Variants in VBP1 observed in about 807,000 individuals in gnomAD.
VBP1 encodes prefoldin subunit 3.
In VBP1, 4 loss-of-function variants were observed where a neutral mutation model predicts 15.5. That is an observed-to-expected ratio of 0.26 (90% CI 0.13 to 0.59). The LOEUF (loss-of-function observed/expected upper bound fraction) is 0.59. VBP1 is among the 20% of genes least tolerant of loss of function. The probability of loss-of-function intolerance (pLI) is 0.90; values close to 1 mark genes in which losing one functional copy is unlikely to be tolerated. For missense variants in VBP1, 108 were observed against 139.6 expected (o/e 0.77, Z 1.14); for synonymous variants, 61 against 52.1 (o/e 1.17, Z -0.74).
At chrX:155,216,693 G>T (rs2074666283) in intron 1 of VBP1, 118 bp downstream of exon 1, 5 of 1,025,286 alleles carry the variant, frequency 4.9e-6, no homozygotes, top group Non-Finnish European at 6.6e-6. Context: ...TCAGGGAGGG[G>T]GCGCTCGGTC....
chrX:155,209,944 A>G (rs1557308382), intron 2 of VBP1, among the ~76,000 whole-genome samples: 2 of 112,330 alleles, frequency 1.8e-5, no homozygotes, highest in African/African-American at 6.5e-5. Flanking sequence ...TTCAGAAGTG[A>G]ATAAAAAGAT....
At chrX:155,234,438 C>T (rs1254644942) in intron 4 of VBP1, among the ~76,000 whole-genome samples, 1 of 110,884 alleles carries the variant, frequency 9.0e-6, no homozygotes. Context: ...TCTTCTATAT[C>T]AAGAATCCTG....
intron 4 of VBP1, among the ~76,000 whole-genome samples, chrX:155,231,505 G>A (rs1211681772): frequency 8.9e-6 from 1 of 112,265 alleles, no homozygotes; most frequent in Non-Finnish European, 1.9e-5. Flanking sequence ...CCAGTTCCCT[G>A]ACACATAATA....
chrX:155,201,050 A>G (rs1194703161), intron 1 of VBP1, among the ~76,000 whole-genome samples: 1 of 111,779 alleles, frequency 8.9e-6, no homozygotes, highest in African/African-American at 3.3e-5. Context: ...CCCTCCCAAG[A>G]CTAAAGCAGG....
At chrX:155,221,143 C>A (rs1172862723) in intron 2 of VBP1, among the ~76,000 whole-genome samples, 13 of 111,181 alleles carry the variant, frequency 1.2e-4, no homozygotes, top group African/African-American at 4.3e-4. Flanking sequence ...CCACCCTGGG[C>A]AACATGGTGA....
intron 2 of VBP1, among the ~76,000 whole-genome samples, chrX:155,226,666 T>C (rs2074721117): frequency 8.9e-6 from 1 of 112,405 alleles, no homozygotes; most frequent in African/African-American, 3.2e-5. Context: ...GGCATTTAGC[T>C]GACTGTGATG....
Position 155,226,718 on chromosome X carries a change from G to A in VBP1, c.219-517G>A, listed in dbSNP as rs782451010. On this transcript the variant is annotated intron_variant, in intron 2 of 5. Coordinates refer to ENST00000286428, the MANE Select transcript of VBP1 (RefSeq NM_003372.7). ...CAATGCACACACCAGGAGTAGCTAT[G>A]TGCATCACTGGATAGGGGATTGGTG... 2.7e-5 allele frequency among the ~76,000 whole-genome samples: 3 copies of A among 112,180 alleles called. No homozygotes were observed. In the South Asian group the frequency reaches 1.1e-3, roughly 41 times the overall value.
chrX:155,223,723 G>A (rs1477838406), intron 2 of VBP1, among the ~76,000 whole-genome samples: 1 of 112,777 alleles, frequency 8.9e-6, no homozygotes, highest in African/African-American at 3.2e-5. Context: ...ACACCTCCCA[G>A]ACGGGGTGGC....
rs1462062496 is a variant in VBP1, at chrX:155,239,673, G to T, written c.*831G>T. ...ATAGTATAAAAAATCCCTGTGGAAA[G>T]CTACTAGTACATTGACCAGCGCTGG... On this transcript the variant is annotated 3_prime_UTR_variant, in exon 6 of 6. Transcript: ENST00000286428. 8.9e-6 allele frequency: 1 copy of T among 112,063 alleles called. No individual in the cohort carries two copies. Among genetic ancestry groups the T allele is most frequent in the Non-Finnish European group, 1.9e-5 (1 of 53,195 alleles). The allele number at this position is 112,063 out of a possible 1,213,427, so 9.2% of individuals were successfully genotyped here. A position where few individuals can be genotyped will look rare whatever the true frequency, so the allele number is the denominator to read the frequency against.
intron 1 of VBP1, among the ~76,000 whole-genome samples, chrX:155,206,689 G>A (rs2074627712): frequency 1.8e-5 from 2 of 110,856 alleles, no homozygotes; most frequent in African/African-American, 6.6e-5. Flanking sequence ...CCCAAGGGTC[G>A]TCTGTCACTG....
intron 2 of VBP1, among the ~76,000 whole-genome samples, chrX:155,223,963 G>A (rs1410562959): frequency 2.4e-4 from 27 of 110,872 alleles, no homozygotes; most frequent in African/African-American, 8.2e-4. Context: ...CCTCCCAGAC[G>A]GGGTGGCGGC....
At chrX:155,232,814 CTA>C (rs1347071273) in intron 4 of VBP1, among the ~76,000 whole-genome samples, 1 of 112,925 alleles carries the variant, frequency 8.9e-6, no homozygotes, top group African/African-American at 3.2e-5. Context: ...ATGCCTGTCT[CTA>C]TCTCTTTCTG....
intron 2 of VBP1, among the ~76,000 whole-genome samples, chrX:155,209,387 G>T (rs2074637264): frequency 8.9e-6 from 1 of 112,250 alleles, no homozygotes; most frequent in Non-Finnish European, 1.9e-5. Flanking sequence ...TTAACAGAGT[G>T]AGAAAGCGTG....
chrX:155,213,057 G>A (rs2074650023), upstream of VBP1: 1 of 112,075 alleles, frequency 8.9e-6, no homozygotes, highest in African/African-American at 3.2e-5. Context: ...GAATACACAT[G>A]TATTCTGACT....
intron 4 of VBP1, among the ~76,000 whole-genome samples, chrX:155,230,008 A>G (rs782077536): frequency 4.0e-4 from 45 of 111,623 alleles, no homozygotes; most frequent in Non-Finnish European, 7.0e-4. Context: ...AATACTGTCT[A>G]TTAGTTTTTA....
chrX:155,215,215 C>T (rs1479973426), upstream of VBP1, among the ~76,000 whole-genome samples: 1 of 111,567 alleles, frequency 9.0e-6, no homozygotes, highest in African/African-American at 3.3e-5. Context: ...GAAACGTTAC[C>T]TACTTTTCAA....
At chrX:155,202,209 C>T (rs1478873958) in intron 1 of VBP1, among the ~76,000 whole-genome samples, 2 of 111,526 alleles carry the variant, frequency 1.8e-5, no homozygotes, top group Admixed American at 1.9e-4. Flanking sequence ...AGATTCAATG[C>T]CATCCCCATC....
intron 1 of VBP1, among the ~76,000 whole-genome samples, chrX:155,197,527 T>A (rs1471230195): frequency 8.9e-6 from 1 of 112,145 alleles, no homozygotes; most frequent in Non-Finnish European, 1.9e-5. Context: ...AGGTTCTACC[T>A]CCAGTGACTC....
At chrX:155,232,565 G>A (rs1008327247) in intron 4 of VBP1, among the ~76,000 whole-genome samples, 3 of 112,256 alleles carry the variant, frequency 2.7e-5, no homozygotes, top group African/African-American at 9.7e-5. Context: ...CCAATGGCCA[G>A]TAAACATATG....
Sources: allele counts gnomAD v4.1 joint callset (sites outside exome capture counted in the v4.1 genomes callset), GRCh38; gene constraint gnomAD v4.1.1; transcripts MANE v1.5; gene names NCBI Gene and HGNC (gene_info 2026-07-23, HGNC 2026-07-21).